The following DMD variants were observed in gnomAD, a reference collection of about 807,000 sequenced individuals.
DMD encodes the protein dystrophin, also known as mutant dystrophin.
Under a neutral mutation model 330.1 loss-of-function variants are expected in DMD, and 63 were observed. That is an observed-to-expected ratio of 0.19 (90% CI 0.16 to 0.24). DMD has a LOEUF of 0.24. DMD is among the 10% of genes least tolerant of loss of function. The pLI is 1.00. For missense variants in DMD, 3,344 were observed against 2,684.1 expected, an observed-to-expected ratio of 1.25 and a Z score of -5.43; for synonymous variants, 1,223 against 959.8, an observed-to-expected ratio of 1.27 and a Z score of -5.07.
At chrX:32,940,216 C>A (rs2090311550) in intron 2 of DMD, among the ~76,000 whole-genome samples, 1 of 111,633 alleles carries the variant, frequency 9.0e-6, no homozygotes. Context: ...AGCATAGGGA[C>A]TATAGTCAGT....
chrX:31,665,492 T>C (rs1345725988), intron 53 of DMD, among the ~76,000 whole-genome samples: 1 of 111,583 alleles, frequency 9.0e-6, no homozygotes. Flanking sequence ...AAGAAAGCCA[T>C]TTCAAAAGTA....
At chrX:32,985,726 G>C in intron 2 of DMD, among the ~76,000 whole-genome samples, 1 of 111,938 alleles carries the variant, frequency 8.9e-6, no homozygotes, top group Non-Finnish European at 1.9e-5. Context: ...ACCAGAGGCA[G>C]TCGCTGTCAT....
At chrX:31,239,985 C>G (rs951832641) in intron 63 of DMD, among the ~76,000 whole-genome samples, 1 of 111,797 alleles carries the variant, frequency 8.9e-6, no homozygotes, top group Non-Finnish European at 1.9e-5. Context: ...GCTTAATTTC[C>G]CATTTGAATA....
chrX:32,516,258 C>G (rs1305605599), intron 18 of DMD, among the ~76,000 whole-genome samples: 1 of 111,621 alleles, frequency 9.0e-6, no homozygotes, highest in South Asian at 3.7e-4. Flanking sequence ...ATTTTTAATA[C>G]ATATACATTG....
At chrX:32,459,122 G>C (rs962275645) in intron 25 of DMD, among the ~76,000 whole-genome samples, 1 of 110,650 alleles carries the variant, frequency 9.0e-6, no homozygotes, top group African/African-American at 3.3e-5. Flanking sequence ...ATACTGTATT[G>C]TTAAAAATAT....
chrX:31,377,337 G>A (rs755170590), intron 60 of DMD, among the ~76,000 whole-genome samples: 1 of 111,967 alleles, frequency 8.9e-6, no homozygotes, highest in Non-Finnish European at 1.9e-5. Context: ...CTAATTATTA[G>A]GGTGTTTGTG....
intron 1 of DMD, chrX:33,128,357 G>A (rs2095477727): frequency 9.7e-7 from 1 of 1,026,040 alleles, no homozygotes; most frequent in African/African-American, 1.9e-5. Context: ...CAATCTTTTT[G>A]CACCTGTTTC....
intron 52 of DMD, among the ~76,000 whole-genome samples, chrX:31,728,978 G>A (rs2149014080): frequency 9.0e-6 from 1 of 110,982 alleles, no homozygotes; most frequent in African/African-American, 3.3e-5. Context: ...TCCTTCGTCT[G>A]TCACTCTTCC....
chrX:32,256,565 T>G (rs2097299955), intron 43 of DMD, among the ~76,000 whole-genome samples: 1 of 110,762 alleles, frequency 9.0e-6, no homozygotes, highest in Non-Finnish European at 1.9e-5. Flanking sequence ...TGATGTTGGT[T>G]AGTTATTTTG....
chrX:32,685,131 G>A (rs1170369205), intron 9 of DMD, among the ~76,000 whole-genome samples: 2 of 110,407 alleles, frequency 1.8e-5, no homozygotes, highest in African/African-American at 3.3e-5. Context: ...TTAAATTAAT[G>A]GTAATACTAC....
intron 16 of DMD, among the ~76,000 whole-genome samples, chrX:32,547,455 A>G (rs972029425): frequency 4.5e-5 from 5 of 111,115 alleles, no homozygotes; most frequent in African/African-American, 1.6e-4. Context: ...TAATTGTTCT[A>G]TATAATAATC....
At chrX:32,849,943 C>A in intron 2 of DMD, 123 bp from the exon 3 acceptor site, 2 of 560,453 alleles carry the variant, frequency 3.6e-6, no homozygotes, top group Non-Finnish European at 5.8e-6. Flanking sequence ...AATTAATCTG[C>A]CGAAGATGAC....
At chrX:31,895,147 G>C (rs1435767937) in intron 47 of DMD, among the ~76,000 whole-genome samples, 5 of 111,687 alleles carry the variant, frequency 4.5e-5, no homozygotes, top group Non-Finnish European at 9.4e-5. Context: ...ACACTACAAA[G>C]TCATGGAGTC....
At chrX:32,284,261 C>A (rs1184310255) in intron 43 of DMD, among the ~76,000 whole-genome samples, 1 of 111,549 alleles carries the variant, frequency 9.0e-6, no homozygotes, top group Non-Finnish European at 1.9e-5. Flanking sequence ...GTCTATAGAC[C>A]TTGACTTATT....
At chrX:32,742,138 T>C (rs1309618012) in intron 7 of DMD, among the ~76,000 whole-genome samples, 1 of 111,799 alleles carries the variant, frequency 8.9e-6, no homozygotes, top group Non-Finnish European at 1.9e-5. Flanking sequence ...GTTACACAGC[T>C]ACCACCCATT....
At position 32,777,482 on chromosome X, in the gene DMD, T is replaced by C. The variant is rs374128967; in HGVS notation, c.649+32011A>G. On this transcript the variant is annotated intron_variant, in intron 7 of 78. Coordinates refer to ENST00000357033, the MANE Select transcript of DMD (RefSeq NM_004006.3). Reference sequence around the variant, plus strand: ...GGTAAGAATTTAATATCATTTTCCATGTATTCTCATTCTTACTGTTATTAT... The same window carrying C: ...GGTAAGAATTTAATATCATTTTCCACGTATTCTCATTCTTACTGTTATTAT... Among the ~76,000 whole-genome samples the C allele has an allele frequency of 4.3e-4, 48 of 110,906 alleles. No individual in the cohort carries two copies. In the South Asian group the frequency reaches 0.016, roughly 37 times the overall value.
intron 21 of DMD, among the ~76,000 whole-genome samples, chrX:32,480,482 T>TATGTGTCTACGTGTTTATATACACAGA (rs1569564535): frequency 5.8e-5 from 6 of 104,222 alleles, no homozygotes; most frequent in African/African-American, 2.5e-4. Flanking sequence ...ACATACACAG[T>TATGTGTCTACGTGTTTATATACACAGA]ATGTGTCTAC....
At chrX:31,569,662 A>G (rs182730251) in intron 55 of DMD, among the ~76,000 whole-genome samples, 93 of 90,543 alleles carry the variant, frequency 1.0e-3, no homozygotes, top group African/African-American at 3.3e-3. Flanking sequence ...ATATATACGT[A>G]TATATACGTA....
At chrX:32,300,589 C>T (rs901558619) in intron 42 of DMD, among the ~76,000 whole-genome samples, 4 of 111,718 alleles carry the variant, frequency 3.6e-5, no homozygotes, top group Admixed American at 9.6e-5. Flanking sequence ...TTTTATGATA[C>T]GTACATTTTG....
Sources: gnomAD v4.1 joint callset for allele counts (sites outside exome capture counted in the v4.1 genomes callset) on GRCh38, gnomAD v4.1.1 for gene constraint, MANE v1.5 for transcripts, NCBI Gene and HGNC (gene_info 2026-07-23, HGNC 2026-07-21) for gene names.